MBTPS1: variants seen among roughly 807,000 people sequenced by gnomAD.
MBTPS1 encodes membrane-bound transcription factor site-1 protease.
Under a neutral mutation model 127.8 loss-of-function variants are expected in MBTPS1, and 94 were observed. The ratio of observed to expected loss-of-function variants is 0.74; its 90% CI spans 0.62 to 0.87. MBTPS1 has a LOEUF of 0.87. Among genes scored for constraint, MBTPS1 ranks in the 40% least tolerant of loss-of-function variants. The pLI, the probability that MBTPS1 is intolerant of heterozygous loss-of-function variation, is 0.00. For missense variants in MBTPS1, 1,636 were observed against 1,353.2 expected, an observed-to-expected ratio of 1.21 and a Z score of -3.28; for synonymous variants, 632 against 509.4, an observed-to-expected ratio of 1.24 and a Z score of -3.24.
chr16:84,060,860 G>C (rs756928980), intron 19 of MBTPS1, 47 bp from the exon 20 acceptor site: 1 of 1,523,788 alleles, frequency 6.6e-7, no homozygotes, highest in South Asian at 1.2e-5. Flanking sequence ...TTTTTTTCCA[G>C]ACAGAGTCAC....
rs1340031516 is a variant in MBTPS1, at chr16:84,099,376, TATCTA to T, written c.164-71_164-67del. On this transcript the variant is annotated intron_variant, in intron 2 of 22. Transcript: ENST00000343411. Reference sequence around the variant, plus strand: ...ATACATTATAACATATACTATATTGTATCTAATCTAAAATCTGGCAAAAGAAAAAT... The same window carrying T: ...ATACATTATAACATATACTATATTGTATCTAAAATCTGGCAAAAGAAAAAT... 28 of 1,492,302 alleles carry T rather than the reference TATCTA, an allele frequency of 1.9e-5. No homozygotes were observed. In the African/African-American group the frequency reaches 3.1e-4, roughly 17 times the overall value. The allele number at this position is 1,492,302 out of a possible 1,614,324, so 92.4% of individuals were successfully genotyped here.
rs2085517113 is a variant in MBTPS1, at chr16:84,056,058, G to C, written c.2909C>G (p.Pro970Arg). The C allele has an allele frequency of 6.2e-7, 1 of 1,613,964 alleles. No homozygotes were observed. Among genetic ancestry groups the C allele is most frequent in the African/African-American group, 1.3e-5 (1 of 74,918 alleles). ...VVLPNFRSNRPQVRPLSPGES... is the reference protein window; with the variant it reads ...VVLPNFRSNRRQVRPLSPGES... ...TCCAGGGGACAAGGGCCTCACTTGA[G>C]GGCGATTCGATCGAAAGTTGGGTAA... The change falls in exon 22 of 23, where the codon CCT becomes CGT. Residue 970 changes from proline (P) to arginine (R), a missense_variant. Coordinates refer to ENST00000343411, the MANE Select transcript of MBTPS1 (RefSeq NM_003791.4).
At chr16:84,077,901 AAAAGAAATGAACAGACAATTCACAAG>A (rs2151153753) in intron 11 of MBTPS1, among the ~76,000 whole-genome samples, 1 of 151,770 alleles carries the variant, frequency 6.6e-6, no homozygotes, top group East Asian at 2.0e-4. Flanking sequence ...ACCCCATTGA[AAAAGAAATGAACAGACAATTCACAAG>A]AAAGCTTAAA....
intron 20 of MBTPS1, chr16:84,060,287 G>A (rs912194123): frequency 6.2e-6 from 1 of 162,180 alleles, no homozygotes; most frequent in African/African-American, 2.4e-5. Flanking sequence ...ACTGAGAGGG[G>A]ACAGTGAGGT....
chr16:84,089,987 C>T (rs911197834), intron 8 of MBTPS1, among the ~76,000 whole-genome samples: 1 of 152,186 alleles, frequency 6.6e-6, no homozygotes, highest in African/African-American at 2.4e-5. Flanking sequence ...TGATACGTAT[C>T]ACTGATGCGA....
intron 19 of MBTPS1, 113 bp from the exon 20 acceptor site, chr16:84,060,926 T>A: frequency 1.2e-5 from 12 of 960,892 alleles, no homozygotes; most frequent in Non-Finnish European, 1.7e-5. Flanking sequence ...CTTGAGCTCC[T>A]GGGCTCAAGT....
intron 12 of MBTPS1, among the ~76,000 whole-genome samples, chr16:84,074,031 T>C (rs902314418): frequency 2.6e-5 from 4 of 151,982 alleles, no homozygotes; most frequent in Non-Finnish European, 4.4e-5. Flanking sequence ...AATGAAATAC[T>C]ACAACTGGGC....
chr16:84,104,900 A>G (rs1312321378), intron 1 of MBTPS1, among the ~76,000 whole-genome samples: 1 of 151,780 alleles, frequency 6.6e-6, no homozygotes, highest in East Asian at 1.9e-4. Context: ...ACATGGTGAA[A>G]CCCCATATCT....
rs566724616 is a variant in MBTPS1 at position 84,101,859 on chromosome 16, T to C, written c.-76A>G. 8.4e-5 allele frequency: 118 copies of C among 1,406,688 alleles called. No homozygotes were observed. Among genetic ancestry groups the C allele is most frequent in the Middle Eastern group, 1.8e-4 (1 of 5,464 alleles). The allele number at this position is 1,406,688 out of a possible 1,614,324, so 87.1% of individuals were successfully genotyped here. A position where few individuals can be genotyped will look rare whatever the true frequency, so the allele number is the denominator to read the frequency against. ...TTTCTTCTTGATTAAAAGTGAATTT[T>C]TGTTTCAGCTAAAAGCTGCAACATT... On this transcript the variant is annotated 5_prime_UTR_variant, in exon 2 of 23. Transcript: ENST00000343411.
At chr16:84,084,839 G>A in intron 10 of MBTPS1, 144 bp downstream of exon 10, 1 of 729,924 alleles carries the variant, frequency 1.4e-6, no homozygotes, top group Non-Finnish European at 2.2e-6. Context: ...CAGAGATGAA[G>A]AAGGAGAGAC....
chr16:84,095,515 T>A (rs1188495662), intron 4 of MBTPS1, 87 bp downstream of exon 4: 1 of 1,413,512 alleles, frequency 7.1e-7, no homozygotes, highest in African/African-American at 1.4e-5. Context: ...ATGGAATTCC[T>A]GCATGTCTGG....
intron 20 of MBTPS1, 183 bp downstream of exon 20, chr16:84,060,499 T>C (rs1283644850): frequency 1.6e-6 from 1 of 612,888 alleles, no homozygotes; most frequent in Admixed American, 3.0e-5. Context: ...CTCTGGGGAC[T>C]AAGGATGGCC....
chr16:84,059,280 A>G, intron 21 of MBTPS1, 22 bp downstream of exon 21: 3 of 1,604,178 alleles, frequency 1.9e-6, no homozygotes, highest in Non-Finnish European at 2.6e-6. Flanking sequence ...GAAAGAGTGG[A>G]AGGGCACAGG....
At position 84,087,373 on chromosome 16, in the gene MBTPS1, C is replaced by G. The variant is rs1446531670; in HGVS notation, c.1119G>C (p.Arg373Ser). 1 of 1,612,792 alleles carries G rather than the reference C, an allele frequency of 6.2e-7. No individual in the cohort carries two copies. The highest frequency in any genetic ancestry group is 8.5e-7 in the Non-Finnish European group (1 of 1,179,318). ...AAGAGCGTACCCAGGTAGTCATTCC[C>G]CTTGAAGAAAAGCGGGCGATGTTAT... is the stretch of plus-strand genomic sequence containing the variant. The part of the protein sequence containing the change: ...FEDNIARFSS[R>S]GMTTWELPGG... Residue 373 changes from arginine (R) to serine (S), a missense_variant, in exon 9 of 23, where the codon AGG (arginine) becomes AGC (serine). Physicochemically the swap from Arg to Ser is moderately radical, Grantham distance 110. Coordinates refer to ENST00000343411, the MANE Select transcript of MBTPS1 (RefSeq NM_003791.4).
Position 84,070,602 on chromosome 16 carries a change from G to C in MBTPS1, c.1768C>G (p.Pro590Ala), listed in dbSNP as rs1265750732. The change falls in exon 13 of 23, where the codon CCA becomes GCA. Residue 590 changes from proline (P) to alanine (A), a missense_variant. Coordinates refer to ENST00000343411, the MANE Select transcript of MBTPS1 (RefSeq NM_003791.4). ...QGHVMITVAS[P>A]AETESKNGAE... ...CATATCCCTACCTCTGTCTCTGCTG[G>C]GGAAGCCACAGTGATCATGACATGG... The C allele has an allele frequency of 1.9e-6, 3 of 1,612,018 alleles. No individual in the cohort carries two copies. In the African/African-American group the frequency reaches 4.0e-5, roughly 22 times the overall value.
chr16:84,090,832 G>C, intron 8 of MBTPS1, 43 bp downstream of exon 8: 1 of 1,400,666 alleles, frequency 7.1e-7, no homozygotes, highest in East Asian at 2.3e-5. Context: ...AGTTATTTAA[G>C]GGGGAAAAAA....
At chr16:84,097,994 C>G (rs1045560303) in intron 3 of MBTPS1, among the ~76,000 whole-genome samples, 16 of 151,834 alleles carry the variant, frequency 1.1e-4, no homozygotes, top group South Asian at 2.1e-4. Context: ...TAAATAATAA[C>G]AGAACTAGAA....
At chr16:84,064,877 G>A (rs1035858883) in intron 18 of MBTPS1, among the ~76,000 whole-genome samples, 4 of 152,176 alleles carry the variant, frequency 2.6e-5, no homozygotes, top group African/African-American at 9.7e-5. Context: ...AAGTAGATAA[G>A]GTGAGAAATC....
At chr16:84,067,924 C>T (rs1286293042) in intron 15 of MBTPS1, 101 bp from the exon 16 acceptor site, 3 of 1,155,636 alleles carry the variant, frequency 2.6e-6, no homozygotes, top group Non-Finnish European at 3.7e-6. Flanking sequence ...AGGTTACTGA[C>T]ACCTAACAGT....
Sources: gnomAD v4.1 joint callset for allele counts (sites outside exome capture counted in the v4.1 genomes callset) on GRCh38, gnomAD v4.1.1 for gene constraint, MANE v1.5 for transcripts, NCBI Gene and HGNC (gene_info 2026-07-23, HGNC 2026-07-21) for gene names.